CHN1: variants seen among roughly 807,000 people sequenced by gnomAD.
CHN1 encodes the protein chimerin 1.
CHN1 carries 37 observed loss-of-function variants against 59.5 expected under a neutral mutation model. The observed-to-expected ratio is 0.62, with a 90% CI of 0.48 to 0.82. The LOEUF (loss-of-function observed/expected upper bound fraction) is 0.82. CHN1 is among the 40% of genes least tolerant of loss of function. CHN1 has a pLI of 0.00. For synonymous variants in CHN1, 206 were observed against 200.4 expected (o/e 1.03, Z -0.24); for missense variants, 469 against 571.0 (o/e 0.82, Z 1.82).
chr2:174,809,011 C>G lies in CHN1; in HGVS notation c.996G>C (p.Met332Ile). 6.2e-7 allele frequency: 1 copy of G among 1,610,914 alleles called. No homozygotes were observed. Among genetic ancestry groups the G allele is most frequent in the Non-Finnish European group, 8.5e-7 (1 of 1,178,698 alleles). The change falls in exon 11 of 13, where the codon ATG becomes ATC. Residue 332 changes from methionine (M) to isoleucine (I), a missense_variant. Met to Ile is a conservative substitution (Grantham distance 10). Transcript: ENST00000409900. Reference sequence around the variant, plus strand: ...CAGTGATAATGTTGATATCTTCATACATGTTCACAGAAATATCTGCCTTCT... The same window carrying G: ...CAGTGATAATGTTGATATCTTCATAGATGTTCACAGAAATATCTGCCTTCT... The part of the protein sequence containing the change: ...DGEKADISVN[M>I]YEDINIITGA...
rs1026972831 is a variant in CHN1, at chr2:174,962,682, G to C, written c.20-10480C>G. On this transcript the variant is annotated intron_variant, in intron 1 of 12. Coordinates refer to ENST00000409900, the MANE Select transcript of CHN1 (RefSeq NM_001822.7). ...AAGGCCCGGGGGGGGGGGGGGGGGGGGCAGATCACCTGAGGTCAGGAGTTC... is the reference window on the plus strand; with the variant it reads ...AAGGCCCGGGGGGGGGGGGGGGGGGCGCAGATCACCTGAGGTCAGGAGTTC... Among the ~76,000 whole-genome samples the C allele has an allele frequency of 5.8e-3, 462 of 79,416 alleles. 66 individuals carry two copies. The highest frequency in any genetic ancestry group is 0.02 in the African/African-American group (439 of 21,444). The allele number at this position is 79,416 out of a possible 152,430, so 52.1% of individuals were successfully genotyped here.
chr2:174,888,510 A>G (rs1362446518), intron 5 of CHN1, among the ~76,000 whole-genome samples: 1 of 152,230 alleles, frequency 6.6e-6, no homozygotes, highest in Non-Finnish European at 1.5e-5. Context: ...GACAAATCAA[A>G]ACAAACATTC....
At chr2:174,944,734 G>A (rs145324953) in intron 3 of CHN1, among the ~76,000 whole-genome samples, 154 bp downstream of exon 3, 1 of 152,228 alleles carries the variant, frequency 6.6e-6, no homozygotes, top group African/African-American at 2.4e-5. Flanking sequence ...CAAATGAGAA[G>A]GATATTAAGA....
intron 6 of CHN1, among the ~76,000 whole-genome samples, chr2:174,857,130 A>C (rs1356224046): frequency 6.6e-6 from 1 of 152,200 alleles, no homozygotes; most frequent in Non-Finnish European, 1.5e-5. Flanking sequence ...AACAAAAAAT[A>C]ATTAGGAAGT....
chr2:174,813,017 C>A (rs1685128000), intron 8 of CHN1, among the ~76,000 whole-genome samples: 1 of 152,066 alleles, frequency 6.6e-6, no homozygotes, highest in African/African-American at 2.4e-5. Context: ...ATAGCTGTAA[C>A]TATTATTTAT....
intron 1 of CHN1, among the ~76,000 whole-genome samples, chr2:174,961,448 G>C (rs1011359185): frequency 1.3e-5 from 2 of 151,396 alleles, no homozygotes; most frequent in Non-Finnish European, 3.0e-5. Context: ...AAAATTAGCC[G>C]GGCATGGTTG....
intron 6 of CHN1, among the ~76,000 whole-genome samples, chr2:174,852,430 A>T (rs1281715162): frequency 6.6e-6 from 1 of 152,236 alleles, no homozygotes; most frequent in Admixed American, 6.5e-5. Flanking sequence ...GAAATCAAAG[A>T]TGACACAAAT....
At chr2:174,959,199 T>A (rs1325559362) in intron 1 of CHN1, among the ~76,000 whole-genome samples, 1 of 152,212 alleles carries the variant, frequency 6.6e-6, no homozygotes, top group East Asian at 1.9e-4. Flanking sequence ...CAATTAGCTA[T>A]ATATACCATA....
chr2:174,893,551 CTA>C (rs1688119412), intron 5 of CHN1, among the ~76,000 whole-genome samples: 1 of 152,070 alleles, frequency 6.6e-6, no homozygotes, highest in Non-Finnish European at 1.5e-5. Context: ...CCAAAGCAAT[CTA>C]GACACTAAAG....
chr2:174,913,274 AAG>A (rs1240337888), intron 5 of CHN1, among the ~76,000 whole-genome samples: 1 of 152,214 alleles, frequency 6.6e-6, no homozygotes, highest in Non-Finnish European at 1.5e-5. Context: ...AAAGGAAAGA[AAG>A]AGAGGCTTCT....
chr2:174,970,659 CAT>C (rs1219724900), intron 1 of CHN1, among the ~76,000 whole-genome samples: 2 of 152,134 alleles, frequency 1.3e-5, no homozygotes, highest in South Asian at 2.1e-4. Context: ...AATACAGTAT[CAT>C]GTGTGGGCAA....
intron 3 of CHN1, among the ~76,000 whole-genome samples, chr2:174,924,638 T>C (rs1484015310): frequency 3.3e-5 from 5 of 152,208 alleles, no homozygotes; most frequent in African/African-American, 1.2e-4. Context: ...ATTACTTCAG[T>C]GGTGATTTGG....
chr2:174,836,514 T>C (rs1390595822), intron 7 of CHN1, among the ~76,000 whole-genome samples: 1 of 152,228 alleles, frequency 6.6e-6, no homozygotes. Flanking sequence ...CAGGATTCTT[T>C]TGTCATCCAT....
In CHN1 at chr2:174,916,823, C is replaced by T. The variant is rs553185427; in HGVS notation, c.147-1652G>A. 6.6e-5 allele frequency among the ~76,000 whole-genome samples: 10 copies of T among 152,172 alleles called. No individual in the cohort carries two copies. The South Asian group carries it at 1.0e-3, about 16-fold the overall frequency. Reference sequence around the variant, plus strand: ...GTAACCTATCCCTTGCTATTTAGCACGTTGGTATATATTTTAACTTTACAT... The same window carrying T: ...GTAACCTATCCCTTGCTATTTAGCATGTTGGTATATATTTTAACTTTACAT... On this transcript the variant is annotated intron_variant, in intron 4 of 12. Transcript: ENST00000409900.
intron 6 of CHN1, among the ~76,000 whole-genome samples, chr2:174,862,887 C>G (rs1230966853): frequency 1.3e-5 from 2 of 152,148 alleles, no homozygotes; most frequent in Non-Finnish European, 2.9e-5. Context: ...CTCTTCCCCA[C>G]AGAAGTACCA....
At chr2:174,825,427 C>G (rs532964259) in intron 7 of CHN1, among the ~76,000 whole-genome samples, 44 of 152,294 alleles carry the variant, frequency 2.9e-4, no homozygotes, top group Non-Finnish European at 5.1e-4. Flanking sequence ...TAATTATTCA[C>G]TAACCATTCC....
intron 1 of CHN1, among the ~76,000 whole-genome samples, chr2:174,980,720 A>C (rs1691119027): frequency 6.6e-6 from 1 of 152,174 alleles, no homozygotes; most frequent in African/African-American, 2.4e-5. Flanking sequence ...AAAGCATGAG[A>C]TACATTTTTT....
intron 1 of CHN1, among the ~76,000 whole-genome samples, chr2:174,968,034 C>G (rs1301679010): frequency 6.6e-6 from 1 of 152,312 alleles, no homozygotes; most frequent in East Asian, 1.9e-4. Context: ...ATTTTGCCAG[C>G]AGGCATTAAA....
chr2:174,905,899 G>A (rs760510071), intron 5 of CHN1, among the ~76,000 whole-genome samples: 2 of 152,082 alleles, frequency 1.3e-5, no homozygotes, highest in Non-Finnish European at 2.9e-5. Flanking sequence ...CAAGAGTAAG[G>A]TGCAAATCAA....
Sources: allele counts gnomAD v4.1 joint callset (sites outside exome capture counted in the v4.1 genomes callset), GRCh38; gene constraint gnomAD v4.1.1; transcripts MANE v1.5; gene names NCBI Gene and HGNC (gene_info 2026-07-23, HGNC 2026-07-21).